DMD: variants seen among roughly 807,000 people sequenced by gnomAD.
DMD encodes dystrophin, also known as mutant dystrophin.
Under a neutral mutation model 330.1 loss-of-function variants are expected in DMD, and 63 were observed. The observed-to-expected ratio is 0.19, with a 90% CI of 0.16 to 0.24. The LOEUF (loss-of-function observed/expected upper bound fraction) is 0.24. DMD is among the 10% of genes least tolerant of loss of function. The probability of loss-of-function intolerance (pLI) is 1.00; values close to 1 mark genes in which losing one functional copy is unlikely to be tolerated. For synonymous variants in DMD, 1,223 were observed against 959.8 expected (o/e 1.27, Z -5.07); for missense variants, 3,344 against 2,684.1 (o/e 1.25, Z -5.43).
At chrX:32,283,595 C>T (rs1179645804) in intron 43 of DMD, among the ~76,000 whole-genome samples, 1 of 111,656 alleles carries the variant, frequency 9.0e-6, no homozygotes, top group Non-Finnish European at 1.9e-5. Flanking sequence ...AGAACAAATT[C>T]AGCTATTTAT....
intron 19 of DMD, among the ~76,000 whole-genome samples, chrX:32,499,306 T>C (rs1464838798): frequency 8.9e-6 from 1 of 112,114 alleles, no homozygotes; most frequent in Non-Finnish European, 1.9e-5. Context: ...ATAGCTATAC[T>C]TATGCTATTC....
intron 55 of DMD, among the ~76,000 whole-genome samples, chrX:31,604,897 A>G (rs1295700945): frequency 5.4e-5 from 6 of 112,034 alleles, no homozygotes; most frequent in Non-Finnish European, 9.4e-5. Context: ...CTTCGGAGGA[A>G]ATCATTTATG....
intron 43 of DMD, among the ~76,000 whole-genome samples, chrX:32,252,687 T>TATATAA (rs2097271187): frequency 2.0e-4 from 7 of 35,520 alleles, no homozygotes; most frequent in African/African-American, 1.3e-4. Flanking sequence ...AATATATAAA[T>TATATAA]ATATATATAA....
chrX:31,241,621 T>C (rs1387799144), intron 63 of DMD, among the ~76,000 whole-genome samples: 2 of 111,664 alleles, frequency 1.8e-5, no homozygotes, highest in Non-Finnish European at 3.8e-5. Flanking sequence ...TCCCTTTTTC[T>C]TTAAAACCTG....
At chrX:31,787,552 T>C (rs2091365954) in intron 50 of DMD, among the ~76,000 whole-genome samples, 1 of 111,542 alleles carries the variant, frequency 9.0e-6, no homozygotes, top group Admixed American at 9.6e-5. Context: ...TCAGAGTTGC[T>C]GTTTCTTATG....
chrX:31,297,424 AT>A (rs979646542), intron 62 of DMD, among the ~76,000 whole-genome samples: 1 of 111,556 alleles, frequency 9.0e-6, no homozygotes, highest in African/African-American at 3.3e-5. Context: ...ATAGATTTTT[AT>A]AAGGGAAAAC....
intron 44 of DMD, among the ~76,000 whole-genome samples, chrX:32,050,626 C>T (rs1336455454): frequency 1.8e-5 from 2 of 111,014 alleles, no homozygotes; most frequent in Non-Finnish European, 3.8e-5. Context: ...TAAATGTAAA[C>T]CTTATGTTCT....
chrX:32,496,823 T>C (rs1022593620), intron 19 of DMD, among the ~76,000 whole-genome samples: 2 of 112,129 alleles, frequency 1.8e-5, no homozygotes. Context: ...ATACTAAGTG[T>C]CATGTGGAGA....
intron 32 of DMD, among the ~76,000 whole-genome samples, chrX:32,388,341 CTT>C (rs3044988): frequency 1.0e-4 from 8 of 78,553 alleles, no homozygotes; most frequent in Non-Finnish European, 6.8e-5. Context: ...TTATGCTTTC[CTT>C]TTTTTTTTTT....
At position 31,169,431 on chromosome X, in the gene DMD, A is replaced by G. The variant is rs1405190855; in HGVS notation, c.10553+12T>C. The G allele has an allele frequency of 1.8e-5, 22 of 1,193,354 alleles. No individual in the cohort carries two copies. The highest frequency in any genetic ancestry group is 2.5e-5 in the Non-Finnish European group (22 of 881,348). On this transcript the variant is annotated intron_variant, in intron 74 of 78. Coordinates refer to ENST00000357033, the MANE Select transcript of DMD (RefSeq NM_004006.3). ...TCTGCATACCAATGACAAAGCTAGAAAGAAAACTCACCTGTTTTCTTCCTC... is the reference window on the plus strand; with the variant it reads ...TCTGCATACCAATGACAAAGCTAGAGAGAAAACTCACCTGTTTTCTTCCTC...
intron 7 of DMD, among the ~76,000 whole-genome samples, chrX:32,756,617 C>T (rs954898187): frequency 7.9e-5 from 5 of 63,469 alleles, no homozygotes; most frequent in African/African-American, 3.1e-4. Flanking sequence ...ATTTGGGAAA[C>T]AAATGAATAA....
intron 9 of DMD, among the ~76,000 whole-genome samples, chrX:32,679,041 G>GA (rs1319168354): frequency 4.5e-5 from 5 of 111,392 alleles, no homozygotes; most frequent in African/African-American, 1.6e-4. Context: ...AAAGTCACTG[G>GA]AAAAAAATAT....
At chrX:32,122,057 G>T (rs1436849910) in intron 44 of DMD, among the ~76,000 whole-genome samples, 1 of 111,153 alleles carries the variant, frequency 9.0e-6, no homozygotes, top group African/African-American at 3.3e-5. Flanking sequence ...AAGTCAGGAT[G>T]ATTTTTAACT....
chrX:32,266,311 C>T (rs1385107438), intron 43 of DMD, among the ~76,000 whole-genome samples: 1 of 111,525 alleles, frequency 9.0e-6, no homozygotes, highest in Admixed American at 9.5e-5. Flanking sequence ...TGAGGCCTCC[C>T]CAGCCATGTG....
rs886042798 is a variant in DMD, at chrX:32,390,108, G to T, written c.4307C>A (p.Ala1436Asp). Residue 1436 changes from alanine to aspartate, a missense_variant, in exon 31 of 79, where the codon GCT (alanine) becomes GAT (aspartate). Transcript: ENST00000357033. Reference protein sequence around the residue: ...EMKKHNQGKEAAQRVLSQIDV... With the variant: ...EMKKHNQGKEDAQRVLSQIDV... Reference sequence around the variant, plus strand: ...AATCTGAGACAGGACTCTTTGGGCAGCCTCCTTCCCCTGATTATGTTTCTT... The same window carrying T: ...AATCTGAGACAGGACTCTTTGGGCATCCTCCTTCCCCTGATTATGTTTCTT... 1.7e-6 allele frequency: 2 copies of T among 1,209,897 alleles called. No homozygotes were observed. Among genetic ancestry groups the T allele is most frequent in the African/African-American group, 3.5e-5 (2 of 57,745 alleles).
intron 44 of DMD, among the ~76,000 whole-genome samples, chrX:32,190,835 C>G (rs1371075715): frequency 9.2e-6 from 1 of 108,776 alleles, no homozygotes; most frequent in East Asian, 2.9e-4. Flanking sequence ...AGGCAAGCAC[C>G]TGAAGTATAG....
At chrX:32,171,829 T>C (rs1192988107) in intron 44 of DMD, among the ~76,000 whole-genome samples, 1 of 111,697 alleles carries the variant, frequency 9.0e-6, no homozygotes, top group African/African-American at 3.2e-5. Context: ...ATTTTAAGTG[T>C]AATATTTATC....
intron 2 of DMD, among the ~76,000 whole-genome samples, chrX:32,995,181 T>G (rs1296756449): frequency 8.9e-6 from 1 of 112,711 alleles, no homozygotes; most frequent in Non-Finnish European, 1.9e-5. Context: ...GCTTGACACT[T>G]AATAAAGGCT....
intron 60 of DMD, among the ~76,000 whole-genome samples, chrX:31,385,659 C>T (rs1325391785): frequency 8.9e-6 from 1 of 112,081 alleles, no homozygotes; most frequent in African/African-American, 3.2e-5. Context: ...CAGAGAAATG[C>T]AAATCAAAAC....
Sources: gnomAD v4.1 joint callset for allele counts (sites outside exome capture counted in the v4.1 genomes callset) on GRCh38, gnomAD v4.1.1 for gene constraint, MANE v1.5 for transcripts, NCBI Gene and HGNC (gene_info 2026-07-23, HGNC 2026-07-21) for gene names.